The following PTPRQ variants were observed in gnomAD, a reference collection of about 807,000 sequenced individuals.
The protein encoded by PTPRQ is phosphatidylinositol phosphatase PTPRQ.
Under a neutral mutation model 246.0 loss-of-function variants are expected in PTPRQ, and 199 were observed. The observed-to-expected ratio is 0.81, with a 90% CI of 0.72 to 0.91. The LOEUF is 0.91. Ranked by LOEUF, PTPRQ falls within the 40% of genes least tolerant of loss-of-function variation. The pLI, the probability that PTPRQ is intolerant of heterozygous loss-of-function variation, is 0.00. For missense variants in PTPRQ, 2,624 were observed against 2,528.4 expected (o/e 1.04, Z -0.81); for synonymous variants, 869 against 853.2 (o/e 1.02, Z -0.32).
chr12:80,649,469 T>G, intron 36 of PTPRQ, 119 bp from the exon 37 acceptor site: 1 of 1,309,980 alleles, frequency 7.6e-7, no homozygotes, highest in Non-Finnish European at 9.9e-7. Context: ...AGCTGTGTTG[T>G]TTGTGATTTT....
At chr12:80,580,643 A>G (rs2120991477) in intron 25 of PTPRQ, among the ~76,000 whole-genome samples, 1 of 152,328 alleles carries the variant, frequency 6.6e-6, no homozygotes, top group South Asian at 2.1e-4. Flanking sequence ...AATTGTCTAC[A>G]AGTTATACCA....
At chr12:80,523,439 T>C (rs1281587255) in intron 17 of PTPRQ, among the ~76,000 whole-genome samples, 2 of 152,210 alleles carry the variant, frequency 1.3e-5, no homozygotes, top group African/African-American at 4.8e-5. Flanking sequence ...CTTCTCTAGT[T>C]CTTTTGATTG....
Position 80,484,583 on chromosome 12 carries a change from C to G in PTPRQ, c.1337C>G (p.Thr446Ser). 2 of 1,550,188 alleles carry G rather than the reference C, an allele frequency of 1.3e-6. No homozygotes were observed. The highest frequency in any genetic ancestry group is 1.7e-6 in the Non-Finnish European group (2 of 1,146,564). The change falls in exon 9 of 45, where the codon ACT becomes AGT. Residue 446 changes from threonine to serine, a missense_variant. Coordinates refer to ENST00000644991, the MANE Select transcript of PTPRQ (RefSeq NM_001145026.2). ...VPETGIILEN[T>S]LLTGNNEYIN... ...GAGACAGGAATAATTTTGGAAAATA[C>G]TTTGCTCACTGGAAATAATGAGGTA...
At chr12:80,515,556 G>A (rs1383460530) in intron 17 of PTPRQ, among the ~76,000 whole-genome samples, 1 of 151,732 alleles carries the variant, frequency 6.6e-6, no homozygotes, top group African/African-American at 2.4e-5. Flanking sequence ...GAGTAGCTGG[G>A]ATTACAGGTG....
chr12:80,550,314 A>T (rs1285689431), intron 25 of PTPRQ, among the ~76,000 whole-genome samples: 5 of 152,104 alleles, frequency 3.3e-5, no homozygotes, highest in Non-Finnish European at 7.4e-5. Context: ...TGCTTATATA[A>T]ATTAAAACCT....
chr12:80,564,233 CT>C (rs1241022196), intron 25 of PTPRQ, among the ~76,000 whole-genome samples: 2 of 151,900 alleles, frequency 1.3e-5, no homozygotes, highest in Non-Finnish European at 2.9e-5. Context: ...TTTATGGGGG[CT>C]TTTTTTGGTC....
intron 25 of PTPRQ, among the ~76,000 whole-genome samples, chr12:80,567,877 A>G (rs928695133): frequency 2.6e-5 from 4 of 152,184 alleles, no homozygotes; most frequent in African/African-American, 9.6e-5. Flanking sequence ...ACCGAATGAG[A>G]GTTCTAATTA....
chr12:80,478,982 T>A, intron 8 of PTPRQ, among the ~76,000 whole-genome samples: 1 of 151,820 alleles, frequency 6.6e-6, no homozygotes, highest in Non-Finnish European at 1.5e-5. Context: ...ACTTCCCCAA[T>A]CTAGCAAGGC....
intron 35 of PTPRQ, among the ~76,000 whole-genome samples, chr12:80,646,718 C>T (rs2121214994): frequency 6.6e-6 from 1 of 151,904 alleles, no homozygotes; most frequent in Admixed American, 6.6e-5. Flanking sequence ...CTGAATTTCA[C>T]AGCACTTAAT....
Position 80,506,130 on chromosome 12 carries a change from T to C in PTPRQ, c.2379T>C (p.Tyr793=), listed in dbSNP as rs1356281941. 6 of 1,539,932 alleles carry C rather than the reference T, an allele frequency of 3.9e-6. No individual in the cohort carries two copies. Among genetic ancestry groups the C allele is most frequent in the Non-Finnish European group, 4.4e-6 (5 of 1,142,632 alleles). ...PSSPNGIIQK[Y]TIYLKRSNGN... is the part of the protein sequence containing the mutation. The stretch of plus-strand genomic sequence containing the variant: ...GTCCCAATGGAATCATACAAAAATA[T>C]ACAATTTATCTCAAGAGAAGTAATG... Residue 793 remains tyrosine, a synonymous_variant, in exon 15 of 45, where the codon TAT becomes TAC. Transcript: ENST00000644991.
At chr12:80,573,709 T>A (rs889076087) in intron 25 of PTPRQ, among the ~76,000 whole-genome samples, 3 of 152,218 alleles carry the variant, frequency 2.0e-5, no homozygotes, top group Non-Finnish European at 2.9e-5. Flanking sequence ...TATTCCTGAT[T>A]TTATTCATGA....
rs1340745261 is a variant in PTPRQ at position 80,495,332 on chromosome 12, T to A, written c.1843T>A (p.Phe615Ile). The A allele has an allele frequency of 5.9e-6, 9 of 1,533,126 alleles. No homozygotes were observed. Among genetic ancestry groups the A allele is most frequent in the Non-Finnish European group, 7.9e-6 (9 of 1,142,084 alleles). The allele number at this position is 1,533,126 out of a possible 1,614,324, so 95.0% of individuals were successfully genotyped here. A position where few individuals can be genotyped will look rare whatever the true frequency, so the allele number is the denominator to read the frequency against. ...YAMELDTNRA[F>I]QITTIDNSFL... is the part of the protein sequence containing the mutation. ...AATGGAATTGGATACAAACAGAGCA[T>A]TCCAGATAACTACCATAGATAACAG... The change falls in exon 12 of 45, where the codon TTC becomes ATC. Residue 615 changes from phenylalanine to isoleucine, a missense_variant. Phe to Ile is a conservative substitution (Grantham distance 21). Transcript: ENST00000644991.
chr12:80,569,395 G>A (rs754273070), intron 25 of PTPRQ, among the ~76,000 whole-genome samples: 2 of 116,390 alleles, frequency 1.7e-5, no homozygotes, highest in African/African-American at 3.3e-5. Context: ...GTTGTGGGGT[G>A]GGGGGAGGGG....
At chr12:80,471,098 A>T (rs895817398) in intron 7 of PTPRQ, among the ~76,000 whole-genome samples, 1 of 152,214 alleles carries the variant, frequency 6.6e-6, no homozygotes, top group Non-Finnish European at 1.5e-5. Context: ...AGATTACGAC[A>T]ACTGTGAGGG....
chr12:80,601,225 A>G (rs1032897833), intron 26 of PTPRQ, among the ~76,000 whole-genome samples: 1 of 151,614 alleles, frequency 6.6e-6, no homozygotes, highest in Non-Finnish European at 1.5e-5. Flanking sequence ...TCATTTATTT[A>G]TATTTTTCTA....
At chr12:80,488,392 A>G (rs1237139055) in intron 9 of PTPRQ, among the ~76,000 whole-genome samples, 1 of 152,100 alleles carries the variant, frequency 6.6e-6, no homozygotes, top group Non-Finnish European at 1.5e-5. Flanking sequence ...AGATTTAAGT[A>G]TGTTATTTAC....
chr12:80,633,888 G>A (rs1299426436), intron 34 of PTPRQ, among the ~76,000 whole-genome samples: 1 of 152,104 alleles, frequency 6.6e-6, no homozygotes, highest in Non-Finnish European at 1.5e-5. Context: ...GTGTGAGTAG[G>A]AAATGGTCCT....
At chr12:80,489,492 C>T (rs894903883) in intron 9 of PTPRQ, among the ~76,000 whole-genome samples, 7 of 152,002 alleles carry the variant, frequency 4.6e-5, no homozygotes, top group Admixed American at 2.0e-4. Flanking sequence ...AACTCTTTCT[C>T]ATTGAAGATA....
chr12:80,673,610 G>A (rs1901042358), intron 43 of PTPRQ, among the ~76,000 whole-genome samples: 1 of 152,010 alleles, frequency 6.6e-6, no homozygotes, highest in African/African-American at 2.4e-5. Flanking sequence ...TGGGATATCT[G>A]GAAATGAACT....
Sources: allele counts gnomAD v4.1 joint callset (sites outside exome capture counted in the v4.1 genomes callset), GRCh38; gene constraint gnomAD v4.1.1; transcripts MANE v1.5; gene names NCBI Gene and HGNC (gene_info 2026-07-23, HGNC 2026-07-21).